Variants in ZNF707 observed in about 807,000 individuals in gnomAD.
ZNF707 encodes zinc finger protein 707.
A neutral mutation model predicts 13.3 loss-of-function variants in ZNF707; 8 were observed. That is an observed-to-expected ratio of 0.60 (90% CI 0.35 to 1.09). ZNF707 has a LOEUF of 1.09. Among genes scored for constraint, ZNF707 ranks in the 50% least tolerant of loss-of-function variants. The probability of loss-of-function intolerance (pLI) is 0.02; values close to 1 mark genes in which losing one functional copy is unlikely to be tolerated. For synonymous variants in ZNF707, 225 were observed against 205.6 expected, an observed-to-expected ratio of 1.09 and a Z score of -0.81; for missense variants, 530 against 512.6, an observed-to-expected ratio of 1.03 and a Z score of -0.33.
rs186111177 is a variant in ZNF707, at chr8:143,693,759, G to A, written c.345G>A (p.Arg115=). The A allele has an allele frequency of 3.1e-6, 5 of 1,613,136 alleles. No individual in the cohort carries two copies. The South Asian group carries it at 5.5e-5, about 18-fold the overall frequency. ...CCCACGTGCGGCGAGAAAGAGCCAG[G>A]GAAGGAAGCAGCTTTAGGAAGGGCT... is the stretch of plus-strand genomic sequence containing the variant. ...KKTHVRRERA[R]EGSSFRKGFR... The change falls in exon 6 of 6, where the codon AGG becomes AGA. Residue 115 remains arginine, a synonymous_variant. Transcript: ENST00000358656. This position sits in a 1 kb window ranked among gnomAD's most constrained non-coding sequence, Gnocchi z 4.1.
intron 5 of ZNF707, chr8:143,692,064 G>T: frequency 7.4e-7 from 1 of 1,358,732 alleles, no homozygotes; most frequent in Non-Finnish European, 9.7e-7. Context: ...TGATGGCCAT[G>T]TGGGGTCCCA....
At position 143,690,067 on chromosome 8, in the gene ZNF707, C is replaced by T. The variant is rs781826835; in HGVS notation, c.-42C>T. 3.7e-6 allele frequency: 6 copies of T among 1,609,212 alleles called. No individual in the cohort carries two copies. The East Asian group carries it at 6.7e-5, about 18-fold the overall frequency. On this transcript the variant is annotated 5_prime_UTR_variant, in exon 3 of 6. Coordinates refer to ENST00000358656, the MANE Select transcript of ZNF707 (RefSeq NM_001100598.2). ...TTCTTGTCTCCCCAGATCTGCCCTC[C>T]TTGGCACTGTGCTTCCCCAGAGGGG... is the stretch of plus-strand genomic sequence containing the variant.
intron 3 of ZNF707, 187 bp from the exon 4 acceptor site, chr8:143,690,886 A>G: frequency 1.4e-6 from 1 of 738,470 alleles, no homozygotes; most frequent in Non-Finnish European, 2.1e-6. Context: ...CTTAACCTTA[A>G]TCTCTTCCAC....
At chr8:143,690,216 C>G (rs1587385024) in intron 3 of ZNF707, 93 bp downstream of exon 3, 1 of 1,520,198 alleles carries the variant, frequency 6.6e-7, no homozygotes, top group East Asian at 2.3e-5. Context: ...GTGGCAGTGG[C>G]TTCCCAGGCA....
rs146832587 is a variant in ZNF707, at chr8:143,685,789, G to A, written c.-151+1247G>A. 1.0e-3 allele frequency among the ~76,000 whole-genome samples: 157 copies of A among 152,314 alleles called. 1 individual carries two copies. Among genetic ancestry groups the A allele is most frequent in the African/African-American group, 3.7e-3 (154 of 41,562 alleles). ...GCCCAGGAGGTCGAGGCTGCAGTGA[G>A]CTGTGATTGCACTACTGCATTCCAG... On this transcript the variant is annotated intron_variant, in intron 1 of 5. Coordinates refer to ENST00000358656, the MANE Select transcript of ZNF707 (RefSeq NM_001100598.2).
Position 143,687,844 on chromosome 8 carries a change from T to C in ZNF707, c.-150-1360T>C, listed in dbSNP as rs560188088. 6 of 152,374 alleles carry C rather than the reference T, an allele frequency of 3.9e-5. No homozygotes were observed. In the South Asian group the frequency reaches 1.2e-3, roughly 32 times the overall value. The allele number at this position is 152,374 out of a possible 1,614,324, so 9.4% of individuals were successfully genotyped here. ...GAAGAAGTTCTCTTCTGTTCCTTGT[T>C]TGCTGAGAGTTTTTGTTGGGATTAG... On this transcript the variant is annotated intron_variant, in intron 1 of 5. Transcript: ENST00000358656.
chr8:143,694,001 C>G lies in ZNF707; in HGVS notation c.587C>G (p.Thr196Arg), dbSNP rs114664141. ...SCHSRLLAHQTVHTGTKAFEC... is the reference protein window; with the variant it reads ...SCHSRLLAHQRVHTGTKAFEC... Reference sequence around the variant, plus strand: ...CACAGCCGGCTGCTCGCTCACCAGACGGTGCACACGGGAACCAAGGCCTTC... The same window carrying G: ...CACAGCCGGCTGCTCGCTCACCAGAGGGTGCACACGGGAACCAAGGCCTTC... Residue 196 changes from threonine to arginine, a missense_variant, in exon 6 of 6, where the codon ACG becomes AGG. Coordinates refer to ENST00000358656, the MANE Select transcript of ZNF707 (RefSeq NM_001100598.2). The surrounding 1 kb of genome is among the most constrained non-coding windows in gnomAD (Gnocchi z 4.4). 1 of 1,603,840 alleles carries G rather than the reference C, an allele frequency of 6.2e-7. No homozygotes were observed. The highest frequency in any genetic ancestry group is 2.2e-5 in the East Asian group (1 of 44,626).
Position 143,693,422 on chromosome 8 carries a change from G to A in ZNF707, c.257-249G>A, listed in dbSNP as rs1392188398. Among the ~76,000 whole-genome samples, 1 of 151,816 alleles carries A rather than the reference G, an allele frequency of 6.6e-6. No homozygotes were observed. Among genetic ancestry groups the A allele is most frequent in the East Asian group, 1.9e-4 (1 of 5,182 alleles). Reference sequence around the variant, plus strand: ...CCTGCCTCAGCCTCCCGAGTAGCTGGGACCACAGGCGCCCGCCACTGCGCC... The same window carrying A: ...CCTGCCTCAGCCTCCCGAGTAGCTGAGACCACAGGCGCCCGCCACTGCGCC... On this transcript the variant is annotated intron_variant, in intron 5 of 5. Coordinates refer to ENST00000358656, the MANE Select transcript of ZNF707 (RefSeq NM_001100598.2). This position sits in a 1 kb window ranked among gnomAD's most constrained non-coding sequence, Gnocchi z 4.1.
In ZNF707 at chr8:143,691,594, G is replaced by A; in HGVS notation, c.143-6G>A. 2 of 1,600,348 alleles carry A rather than the reference G, an allele frequency of 1.2e-6. No individual in the cohort carries two copies. Among genetic ancestry groups the A allele is most frequent in the Non-Finnish European group, 1.7e-6 (2 of 1,173,906 alleles). The stretch of plus-strand genomic sequence containing the variant: ...TAAAACAGAAACTTTTCTCTCCTTT[G>A]AGAAGGATTTTGCAGCCCCAGACCA... On this transcript the variant is annotated splice_polypyrimidine_tract_variant and splice_region_variant and intron_variant, in intron 4 of 5. Transcript: ENST00000358656.
At chr8:143,691,959 G>C in intron 5 of ZNF707, 1 of 1,353,010 alleles carries the variant, frequency 7.4e-7, no homozygotes, top group Non-Finnish European at 1.0e-6. Context: ...CTGCAGCTCG[G>C]AGGGGCCTGA....
Position 143,694,241 on chromosome 8 carries a change from TC to T in ZNF707, c.828del (p.Arg277AspfsTer63). 1 of 1,589,814 alleles carries T rather than the reference TC, an allele frequency of 6.3e-7. No homozygotes were observed. Among genetic ancestry groups the T allele is most frequent in the Non-Finnish European group, 8.6e-7 (1 of 1,168,210 alleles). On this transcript the variant is annotated frameshift_variant, in exon 6 of 6. Transcript: ENST00000358656. LOFTEE classifies it low-confidence loss of function (END_TRUNC). The surrounding 1 kb of genome is among the most constrained non-coding windows in gnomAD (Gnocchi z 4.4). ...GKAFKQKSNLLRHQLVHTGER... is the reference protein window; with the variant it reads ...GKAFKQKSNLXRHQLVHTGER... ...GCCTTCAAGCAGAAGTCCAACCTTC[TC>T]AGACACCAGCTGGTGCACACCGGGG...
At chr8:143,692,318 G>T (rs1816888136) in intron 5 of ZNF707, 3 of 1,289,628 alleles carry the variant, frequency 2.3e-6, no homozygotes, top group Non-Finnish European at 3.0e-6. Context: ...ACTGTGGAGT[G>T]TCAGGTTCCT....
intron 2 of ZNF707, among the ~76,000 whole-genome samples, chr8:143,689,625 C>G (rs1194143520): frequency 6.6e-6 from 1 of 152,186 alleles, no homozygotes; most frequent in Non-Finnish European, 1.5e-5. Context: ...GTAGCGTACC[C>G]GAGAGCATCC....
chr8:143,687,947 A>C (rs1159529170), intron 1 of ZNF707: 1 of 148,164 alleles, frequency 6.7e-6, no homozygotes, highest in Non-Finnish European at 1.5e-5. Context: ...TTATTCTGTT[A>C]ATTTGGTTAG....
At chr8:143,687,152 T>C (rs1309769621) in intron 1 of ZNF707, 1 of 152,088 alleles carries the variant, frequency 6.6e-6, no homozygotes, top group Non-Finnish European at 1.5e-5. Flanking sequence ...ATTACAGGCG[T>C]GAGCCACTGC....
rs1055562021 is a variant in ZNF707, at chr8:143,694,446, C to T, written c.1032C>T (p.Tyr344=). The T allele has an allele frequency of 1.1e-5, 18 of 1,612,204 alleles. No individual in the cohort carries two copies. The highest frequency in any genetic ancestry group is 1.6e-4 in the Middle Eastern group (1 of 6,082). Reference sequence around the variant, plus strand: ...GGCTGCACCTGACGAAGAGGTTCTACGAGTGCGGCCACTGTGGGAAAGGCT... The same window carrying T: ...GGCTGCACCTGACGAAGAGGTTCTATGAGTGCGGCCACTGTGGGAAAGGCT... ...HRRLHLTKRF[Y]ECGHCGKGFR... Residue 344 remains tyrosine, a synonymous_variant, in exon 6 of 6, where the codon TAC becomes TAT. Transcript: ENST00000358656. This position sits in a 1 kb window ranked among gnomAD's most constrained non-coding sequence, Gnocchi z 4.4.
chr8:143,685,441 G>A (rs1554611678), intron 1 of ZNF707, among the ~76,000 whole-genome samples: 1 of 150,330 alleles, frequency 6.7e-6, no homozygotes, highest in African/African-American at 2.4e-5. Context: ...CAAGAGAATC[G>A]TTTGAACCCA....
chr8:143,691,615 G>T lies in ZNF707; in HGVS notation c.158G>T (p.Arg53Ile). 6.2e-7 allele frequency: 1 copy of T among 1,608,242 alleles called. No homozygotes were observed. Among genetic ancestry groups the T allele is most frequent in the South Asian group, 1.1e-5 (1 of 89,408 alleles). ...SVAALGFCSP[R>I]PDLVSRLEQW... Reference sequence around the variant, plus strand: ...CTTTGAGAAGGATTTTGCAGCCCCAGACCAGACCTCGTCTCTCGCCTGGAA... The same window carrying T: ...CTTTGAGAAGGATTTTGCAGCCCCATACCAGACCTCGTCTCTCGCCTGGAA... Residue 53 changes from arginine to isoleucine, a missense_variant, in exon 5 of 6, where the codon AGA (arginine) becomes ATA (isoleucine). Physicochemically the swap from Arg to Ile is moderately conservative, Grantham distance 97. Coordinates refer to ENST00000358656, the MANE Select transcript of ZNF707 (RefSeq NM_001100598.2).
rs891870477 is a variant in ZNF707 at position 143,693,445 on chromosome 8, G to T, written c.257-226G>T. Among the ~76,000 whole-genome samples the T allele has an allele frequency of 7.2e-6, 1 of 138,000 alleles. No individual in the cohort carries two copies. Among genetic ancestry groups the T allele is most frequent in the Admixed American group, 7.5e-5 (1 of 13,418 alleles). 90.5% of individuals were successfully genotyped at this position (138,000 alleles called of 152,430 possible). On this transcript the variant is annotated intron_variant, in intron 5 of 5. Coordinates refer to ENST00000358656, the MANE Select transcript of ZNF707 (RefSeq NM_001100598.2). The surrounding 1 kb of genome is among the most constrained non-coding windows in gnomAD (Gnocchi z 4.1). ...TGGGACCACAGGCGCCCGCCACTGC[G>T]CCCGGCTAATTTTTTGTATTTTTTT...
Sources: gnomAD v4.1 joint callset for allele counts (sites outside exome capture counted in the v4.1 genomes callset) on GRCh38, gnomAD v4.1.1 for gene constraint, Gnocchi (gnomAD v3.1) non-coding constraint, MANE v1.5 for transcripts, NCBI Gene and HGNC (gene_info 2026-07-23, HGNC 2026-07-21) for gene names.